The following RBM26 variants were observed in gnomAD, a reference collection of about 807,000 sequenced individuals.
RBM26 encodes RNA binding motif protein 26.
In RBM26, 30 loss-of-function variants were observed where a neutral mutation model predicts 123.6. The ratio of observed to expected loss-of-function variants is 0.24; its 90% CI spans 0.18 to 0.33. RBM26 has a LOEUF of 0.33. Ranked by LOEUF, RBM26 falls within the 10% of genes least tolerant of loss-of-function variation. The pLI, the probability that RBM26 is intolerant of heterozygous loss-of-function variation, is 1.00. For synonymous variants in RBM26, 400 were observed against 404.4 expected, an observed-to-expected ratio of 0.99 and a Z score of 0.13; for missense variants, 947 against 1,203.6, an observed-to-expected ratio of 0.79 and a Z score of 3.15.
chr13:79,350,345 T>C (rs1487132991), intron 14 of RBM26, among the ~76,000 whole-genome samples: 1 of 152,190 alleles, frequency 6.6e-6, no homozygotes, highest in Admixed American at 6.5e-5. Flanking sequence ...TCTTAGAATT[T>C]AGAAGGGATT....
At chr13:79,339,615 T>C (rs533181071) in intron 18 of RBM26, among the ~76,000 whole-genome samples, 2 of 152,256 alleles carry the variant, frequency 1.3e-5, no homozygotes, top group Admixed American at 1.3e-4. Flanking sequence ...GAACAGTATA[T>C]ACGGAAGTAT....
chr13:79,380,772 T>C (rs1258347468), intron 1 of RBM26, among the ~76,000 whole-genome samples: 2 of 152,052 alleles, frequency 1.3e-5, no homozygotes, highest in South Asian at 2.1e-4. Flanking sequence ...CCTCTCCCTA[T>C]CTCCCTACCA....
chr13:79,333,631 T>A (rs1259315931), intron 20 of RBM26, among the ~76,000 whole-genome samples: 1 of 152,130 alleles, frequency 6.6e-6, no homozygotes, highest in Non-Finnish European at 1.5e-5. Flanking sequence ...TCTCTACAAT[T>A]CCTGAAGAAA....
intron 7 of RBM26, 135 bp downstream of exon 7, chr13:79,366,498 G>T: frequency 1.1e-6 from 1 of 916,878 alleles, no homozygotes; most frequent in Non-Finnish European, 1.6e-6. Flanking sequence ...ATTCCAAATG[G>T]AAGTATACTG....
intron 20 of RBM26, among the ~76,000 whole-genome samples, chr13:79,327,798 T>C (rs549255457): frequency 2.0e-5 from 3 of 152,242 alleles, no homozygotes; most frequent in Non-Finnish European, 2.9e-5. Context: ...GGGAGACAGA[T>C]GAGGGTTGAA....
rs1006569546 is a variant in RBM26 at position 79,320,066 on chromosome 13, T to C, written c.*555A>G. On this transcript the variant is annotated 3_prime_UTR_variant, in exon 22 of 22. Transcript: ENST00000438737. ...ATGCATAAGGACTCATGTAAAGCAG[T>C]CATACACCATTATCATTAAAACCCA... 1.0e-6 allele frequency: 1 copy of C among 977,390 alleles called. No individual in the cohort carries two copies. Among genetic ancestry groups the C allele is most frequent in the Non-Finnish European group, 1.2e-6 (1 of 824,926 alleles). The allele number at this position is 977,390 out of a possible 1,614,324, so 60.5% of individuals were successfully genotyped here. A position where few individuals can be genotyped will look rare whatever the true frequency, so the allele number is the denominator to read the frequency against.
At chr13:79,352,123 C>T (rs1447166843) in intron 14 of RBM26, among the ~76,000 whole-genome samples, 2 of 152,102 alleles carry the variant, frequency 1.3e-5, no homozygotes, top group Non-Finnish European at 2.9e-5. Context: ...GATACACAAA[C>T]TCAGATTCAA....
intron 20 of RBM26, among the ~76,000 whole-genome samples, chr13:79,324,448 A>G (rs2068084355): frequency 6.6e-6 from 1 of 151,804 alleles, no homozygotes; most frequent in Admixed American, 6.6e-5. Flanking sequence ...TTAGAAGTGA[A>G]ATGTTTGACT....
chr13:79,316,979 TG>T (rs758408745), downstream of RBM26, among the ~76,000 whole-genome samples: 2 of 151,622 alleles, frequency 1.3e-5, no homozygotes, highest in African/African-American at 4.8e-5. Context: ...CATATTGGTT[TG>T]TTTTTTTTTT....
intron 11 of RBM26, among the ~76,000 whole-genome samples, chr13:79,356,228 G>A (rs2073963574): frequency 6.6e-6 from 1 of 152,046 alleles, no homozygotes; most frequent in East Asian, 1.9e-4. Context: ...TATTAGCCGG[G>A]TGTGGTGGCA....
rs749013077 is a variant in RBM26, at chr13:79,359,570, C to A, written c.1529+5G>T. On this transcript the variant is annotated splice_donor_5th_base_variant and intron_variant, in intron 10 of 21. Coordinates refer to ENST00000438737, the MANE Select transcript of RBM26 (RefSeq NM_001366735.2). ...TATACTCCTCAATTTTCCTGGCCAC[C>A]TTACTTATCAAACCAAGTCTTCTTT... 3.5e-6 allele frequency: 5 copies of A among 1,420,076 alleles called. No homozygotes were observed. The highest frequency in any genetic ancestry group is 4.9e-6 in the Non-Finnish European group (5 of 1,022,136). 88.0% of individuals were successfully genotyped at this position (1,420,076 alleles called of 1,614,324 possible).
intron 1 of RBM26, among the ~76,000 whole-genome samples, chr13:79,395,418 C>T (rs1594737050): frequency 6.6e-6 from 1 of 152,044 alleles, no homozygotes; most frequent in South Asian, 2.1e-4. Flanking sequence ...AACTCTCCTT[C>T]GCAGTCTGGA....
Position 79,320,213 on chromosome 13 carries a change from C to T in RBM26, c.*408G>A, listed in dbSNP as rs2067526379. 1 of 955,232 alleles carries T rather than the reference C, an allele frequency of 1.0e-6. No homozygotes were observed. Among genetic ancestry groups the T allele is most frequent in the Admixed American group, 6.0e-5 (1 of 16,564 alleles). 59.2% of individuals were successfully genotyped at this position (955,232 alleles called of 1,614,324 possible). A position where few individuals can be genotyped will look rare whatever the true frequency, so the allele number is the denominator to read the frequency against. ...TAGTTAGAGTACTATGTTATCTATTCAGTTTTGAAAACATTCATTAAGATT... is the reference window on the plus strand; with the variant it reads ...TAGTTAGAGTACTATGTTATCTATTTAGTTTTGAAAACATTCATTAAGATT... On this transcript the variant is annotated 3_prime_UTR_variant, in exon 22 of 22. Coordinates refer to ENST00000438737, the MANE Select transcript of RBM26 (RefSeq NM_001366735.2).
chr13:79,355,443 T>C (rs2073860074), intron 11 of RBM26, 59 bp from the exon 12 acceptor site: 1 of 1,378,330 alleles, frequency 7.3e-7, no homozygotes, highest in Admixed American at 1.9e-5. Context: ...CTTCATAGAG[T>C]AAAATTCCCC....
At chr13:79,344,196 A>C in intron 16 of RBM26, 52 bp downstream of exon 16, 1 of 1,124,254 alleles carries the variant, frequency 8.9e-7, no homozygotes. Flanking sequence ...GATTAAGTTC[A>C]CTCCAAATTA....
intron 1 of RBM26, among the ~76,000 whole-genome samples, chr13:79,385,875 G>A (rs1393010382): frequency 1.3e-5 from 2 of 151,826 alleles, no homozygotes; most frequent in African/African-American, 4.8e-5. Context: ...CTCTCTATGT[G>A]TGGCAAAAAT....
At chr13:79,317,445 T>C (rs1472177485), downstream of RBM26, among the ~76,000 whole-genome samples, 5 of 151,786 alleles carry the variant, frequency 3.3e-5, no homozygotes, top group South Asian at 8.3e-4. Flanking sequence ...GAAACAGCCC[T>C]GGATAAGGCA....
intron 3 of RBM26, among the ~76,000 whole-genome samples, chr13:79,374,293 A>G (rs539545080): frequency 6.6e-6 from 1 of 152,256 alleles, no homozygotes; most frequent in Non-Finnish European, 1.5e-5. Context: ...ACACGCTGAA[A>G]TATCATCTCT....
chr13:79,333,749 C>T (rs886121051), intron 20 of RBM26, among the ~76,000 whole-genome samples: 3 of 151,956 alleles, frequency 2.0e-5, no homozygotes, highest in African/African-American at 7.3e-5. Context: ...GCAGATATTC[C>T]GGTCAGTCCT....
Sources: gnomAD v4.1 joint callset for allele counts (sites outside exome capture counted in the v4.1 genomes callset) on GRCh38, gnomAD v4.1.1 for gene constraint, MANE v1.5 for transcripts, NCBI Gene and HGNC (gene_info 2026-07-23, HGNC 2026-07-21) for gene names.